MMRN1: variants seen among roughly 807,000 people sequenced by gnomAD.
MMRN1 encodes the protein multimerin-1.
Under a neutral mutation model 100.7 loss-of-function variants are expected in MMRN1, and 94 were observed. The ratio of observed to expected loss-of-function variants is 0.93; its 90% CI spans 0.79 to 1.11. The LOEUF (loss-of-function observed/expected upper bound fraction) is 1.11, where lower values mean the gene tolerates loss of function less well. Among genes scored for constraint, MMRN1 ranks in the 50% least tolerant of loss-of-function variants. The pLI is 0.00. For missense variants in MMRN1, 1,606 were observed against 1,439.1 expected (o/e 1.12, Z -1.88); for synonymous variants, 575 against 505.0 (o/e 1.14, Z -1.86).
rs1327055699 is a variant in MMRN1, at chr4:89,927,846, C to G, written c.1007C>G (p.Thr336Ser). ...DQVNYQAMKL[T>S]LLQKKIDNIS... Reference sequence around the variant, plus strand: ...GTGAACTACCAGGCAATGAAACTGACTCTTCTGCAGAAGAAGATTGACAAT... The same window carrying G: ...GTGAACTACCAGGCAATGAAACTGAGTCTTCTGCAGAAGAAGATTGACAAT... The change falls in exon 5 of 8, where the codon ACT (threonine) becomes AGT (serine). Residue 336 changes from threonine (T) to serine (S), a missense_variant. Thr to Ser is a moderately conservative substitution (Grantham distance 58). Transcript: ENST00000264790. 3.1e-6 allele frequency: 5 copies of G among 1,612,404 alleles called. No homozygotes were observed. The highest frequency in any genetic ancestry group is 4.2e-6 in the Non-Finnish European group (5 of 1,179,158).
intron 1 of MMRN1, among the ~76,000 whole-genome samples, chr4:89,880,781 G>A (rs186767872): frequency 1.3e-5 from 2 of 152,206 alleles, no homozygotes; most frequent in Admixed American, 6.6e-5. Flanking sequence ...AGAATACAGA[G>A]GAGATAACTG....
rs567985050 is a variant in MMRN1 at position 89,951,176 on chromosome 4, T to A, written c.3119-429T>A. On this transcript the variant is annotated intron_variant, in intron 6 of 7. Coordinates refer to ENST00000264790, the MANE Select transcript of MMRN1 (RefSeq NM_007351.3). ...CATATTGGTTTTTTTATATTTAGTA[T>A]TTTTGTATATGTGGAATTTATGTTT... Among the ~76,000 whole-genome samples, 10 of 152,318 alleles carry A rather than the reference T, an allele frequency of 6.6e-5. No homozygotes were observed. In the South Asian group the frequency reaches 2.1e-3, roughly 32 times the overall value.
Position 89,909,286 on chromosome 4 carries a change from G to C in MMRN1, c.634G>C (p.Ala212Pro), listed in dbSNP as rs1258425312. Reference protein sequence around the residue: ...FETTRGKNWCAYVHTRLSPTV... With the variant: ...FETTRGKNWCPYVHTRLSPTV... ...TATGATCTTCTTTAGGAATTGGTGTGCTTATGTACATACCAGGTTATCTCC... is the reference window on the plus strand; with the variant it reads ...TATGATCTTCTTTAGGAATTGGTGTCCTTATGTACATACCAGGTTATCTCC... The change falls in exon 2 of 8, where the codon GCT becomes CCT. Residue 212 changes from alanine to proline, a missense_variant. By Grantham distance (27) the Ala-to-Pro change is conservative. Transcript: ENST00000264790. 1.9e-6 allele frequency: 3 copies of C among 1,608,320 alleles called. No individual in the cohort carries two copies. Among genetic ancestry groups the C allele is most frequent in the Non-Finnish European group, 2.5e-6 (3 of 1,176,732 alleles).
In MMRN1 at chr4:89,923,878, A is replaced by C. The variant is rs775205571; in HGVS notation, c.955+606A>C. Among the ~76,000 whole-genome samples, 11 of 152,318 alleles carry C rather than the reference A, an allele frequency of 7.2e-5. No individual in the cohort carries two copies. In the South Asian group the frequency reaches 1.2e-3, roughly 17 times the overall value. ...CACTGTGTTTGGCATGGATCTAGTC[A>C]TACAAAACAAGGCACTCAATTAAGA... On this transcript the variant is annotated intron_variant, in intron 4 of 7. Coordinates refer to ENST00000264790, the MANE Select transcript of MMRN1 (RefSeq NM_007351.3).
At chr4:89,887,510 T>A (rs78153704) in intron 1 of MMRN1, among the ~76,000 whole-genome samples, 3,893 of 152,014 alleles carry the variant, frequency 0.026, 84 homozygotes, top group Non-Finnish European at 0.04. Flanking sequence ...TTACAGTGAT[T>A]TTGGCTTCAC....
At chr4:89,943,534 A>G (rs1722896995) in intron 6 of MMRN1, among the ~76,000 whole-genome samples, 1 of 152,182 alleles carries the variant, frequency 6.6e-6, no homozygotes, top group Admixed American at 6.6e-5. Flanking sequence ...TTGTTTTAGG[A>G]CCCAAATGAA....
chr4:89,915,106 G>A (rs186802109), intron 3 of MMRN1, among the ~76,000 whole-genome samples: 41 of 151,576 alleles, frequency 2.7e-4, no homozygotes, highest in Non-Finnish European at 5.3e-4. Context: ...TACAAATGCT[G>A]GGAAATCATG....
chr4:89,902,579 A>G (rs958964889), intron 1 of MMRN1, among the ~76,000 whole-genome samples: 9 of 152,004 alleles, frequency 5.9e-5, no homozygotes, highest in Non-Finnish European at 1.3e-4. Flanking sequence ...TTACACTGAC[A>G]ATATTGTGTA....
intron 3 of MMRN1, among the ~76,000 whole-genome samples, chr4:89,915,929 G>A (rs1407712151): frequency 6.6e-6 from 1 of 151,690 alleles, no homozygotes; most frequent in African/African-American, 2.4e-5. Context: ...GTGCTCAAGT[G>A]AAAGACAGAT....
rs1228178026 is a variant in MMRN1, at chr4:89,935,068, T to C, written c.1388T>C (p.Ile463Thr). ...LTDIVELRNHIVNVRQEMTLT... is the reference protein window; with the variant it reads ...LTDIVELRNHTVNVRQEMTLT... ...GATATAGTGGAACTAAGGAATCACA[T>C]TGTGAATGTAAGGCAAGAAATGACT... The change falls in exon 6 of 8, where the codon ATT (isoleucine) becomes ACT (threonine). Residue 463 changes from isoleucine (I) to threonine (T), a missense_variant. By Grantham distance (89) the Ile-to-Thr change is moderately conservative. Transcript: ENST00000264790. 5.6e-6 allele frequency: 9 copies of C among 1,613,650 alleles called. No homozygotes were observed. The highest frequency in any genetic ancestry group is 7.6e-6 in the Non-Finnish European group (9 of 1,179,762).
intron 3 of MMRN1, among the ~76,000 whole-genome samples, chr4:89,919,610 T>C (rs1048105567): frequency 2.0e-5 from 3 of 151,886 alleles, no homozygotes; most frequent in East Asian, 1.9e-4. Context: ...ATTTAGATGT[T>C]GTACATATTA....
At chr4:89,897,564 T>C (rs566064882) in intron 1 of MMRN1, among the ~76,000 whole-genome samples, 2 of 152,276 alleles carry the variant, frequency 1.3e-5, no homozygotes, top group East Asian at 3.9e-4. Flanking sequence ...CAATTCAAGT[T>C]AAAATAGCAT....
rs546803307 is a variant in MMRN1, at chr4:89,935,970, A to G, written c.2290A>G (p.Lys764Glu). ...TIKDNSEIHHKCTSDMETILT... is the reference protein window; with the variant it reads ...TIKDNSEIHHECTSDMETILT... ...TAAGGATAATAGTGAGATCCATCAT[A>G]AATGTACCTCCGATATGGAAACTAT... Residue 764 changes from lysine to glutamate, a missense_variant, in exon 6 of 8, where the codon AAA becomes GAA. Coordinates refer to ENST00000264790, the MANE Select transcript of MMRN1 (RefSeq NM_007351.3). 3 of 1,612,458 alleles carry G rather than the reference A, an allele frequency of 1.9e-6. No individual in the cohort carries two copies. In the Admixed American group the frequency reaches 5.0e-5, roughly 27 times the overall value.
chr4:89,915,192 T>G (rs1390273549), intron 3 of MMRN1, among the ~76,000 whole-genome samples: 1 of 151,638 alleles, frequency 6.6e-6, no homozygotes, highest in African/African-American at 2.4e-5. Flanking sequence ...TTAAAATGCA[T>G]TCCCTGTAGT....
At chr4:89,933,008 C>T (rs1332842829) in intron 5 of MMRN1, among the ~76,000 whole-genome samples, 1 of 152,138 alleles carries the variant, frequency 6.6e-6, no homozygotes. Flanking sequence ...CCCTTTTAAA[C>T]ATAAGCTCCA....
upstream of MMRN1, among the ~76,000 whole-genome samples, chr4:89,893,272 C>T (rs141332937): frequency 2.6e-3 from 389 of 152,044 alleles, 4 homozygotes; most frequent in African/African-American, 8.5e-3. Flanking sequence ...ATATCAGAGT[C>T]GATTGGGGTT....
intron 1 of MMRN1, among the ~76,000 whole-genome samples, chr4:89,885,799 T>C (rs763690918): frequency 3.1e-4 from 47 of 152,092 alleles, no homozygotes; most frequent in Non-Finnish European, 5.4e-4. Context: ...TTAGTCTTGC[T>C]AACGGTCAAT....
At chr4:89,917,167 G>A (rs1218406321) in intron 3 of MMRN1, among the ~76,000 whole-genome samples, 1 of 151,654 alleles carries the variant, frequency 6.6e-6, no homozygotes, top group African/African-American at 2.4e-5. Flanking sequence ...AGTCTTTGAA[G>A]GATGTTAAGT....
chr4:89,946,860 G>A (rs1172127965), intron 6 of MMRN1, among the ~76,000 whole-genome samples: 1 of 152,162 alleles, frequency 6.6e-6, no homozygotes, highest in African/African-American at 2.4e-5. Flanking sequence ...TACTTGCACA[G>A]TGGTAGAATG....
Sources: gnomAD v4.1 joint callset for allele counts (sites outside exome capture counted in the v4.1 genomes callset) on GRCh38, gnomAD v4.1.1 for gene constraint, MANE v1.5 for transcripts, NCBI Gene and HGNC (gene_info 2026-07-23, HGNC 2026-07-21) for gene names.